The following COLEC12 variants were observed in gnomAD, a reference collection of about 807,000 sequenced individuals.
COLEC12 encodes the protein collectin subfamily member 12, also known as collectin-12.
COLEC12 carries 33 observed loss-of-function variants against 71.1 expected under a neutral mutation model. The observed-to-expected ratio is 0.46, with a 90% CI of 0.35 to 0.62. COLEC12 has a LOEUF of 0.62. Ranked by LOEUF, COLEC12 falls within the 20% of genes least tolerant of loss-of-function variation. The probability of loss-of-function intolerance (pLI) is 0.00; values close to 1 mark genes in which losing one functional copy is unlikely to be tolerated. For synonymous variants in COLEC12, 350 were observed against 353.0 expected (o/e 0.99, Z 0.10); for missense variants, 765 against 916.1 (o/e 0.84, Z 2.13).
At chr18:491,477 G>T (rs1377611083) in intron 1 of COLEC12, among the ~76,000 whole-genome samples, 3 of 152,194 alleles carry the variant, frequency 2.0e-5, no homozygotes, top group Admixed American at 6.5e-5. Flanking sequence ...ACATTTTGGG[G>T]AGGGAAATGT....
At chr18:338,984 A>ATT (rs33991062) in intron 5 of COLEC12, among the ~76,000 whole-genome samples, 13,226 of 143,168 alleles carry the variant, frequency 0.092, 802 homozygotes, top group Non-Finnish European at 0.14. Context: ...TATTGTCTTA[A>ATT]TTTTTTTTTT....
intron 2 of COLEC12, among the ~76,000 whole-genome samples, chr18:458,481 G>T (rs1916914387): frequency 6.6e-6 from 1 of 152,234 alleles, no homozygotes; most frequent in African/African-American, 2.4e-5. Flanking sequence ...GAACGATCCA[G>T]GTTGGCCCTC....
chr18:489,636 C>T (rs987471906), intron 1 of COLEC12, among the ~76,000 whole-genome samples: 11 of 152,024 alleles, frequency 7.2e-5, no homozygotes, highest in African/African-American at 2.7e-4. Flanking sequence ...GCTAAAATAG[C>T]AAGAGGATTA....
chr18:351,770 A>G (rs1009580075), intron 3 of COLEC12, among the ~76,000 whole-genome samples: 3 of 152,170 alleles, frequency 2.0e-5, no homozygotes, highest in African/African-American at 7.2e-5. Flanking sequence ...GTTTTAGGGT[A>G]CATGTGCACA....
At chr18:497,274 C>T (rs1453374292) in intron 1 of COLEC12, among the ~76,000 whole-genome samples, 3 of 152,148 alleles carry the variant, frequency 2.0e-5, no homozygotes, top group African/African-American at 4.8e-5. Context: ...TAGAAAGTCA[C>T]GTTGGTACCC....
At chr18:464,233 G>A (rs1917042693) in intron 2 of COLEC12, among the ~76,000 whole-genome samples, 1 of 152,174 alleles carries the variant, frequency 6.6e-6, no homozygotes, top group Non-Finnish European at 1.5e-5. Flanking sequence ...TAACTTGGCT[G>A]TAGCAACCTT....
chr18:418,298 C>T (rs8089789), intron 2 of COLEC12, among the ~76,000 whole-genome samples: 45,708 of 152,070 alleles, frequency 0.3, 7,723 homozygotes, highest in South Asian at 0.49. Flanking sequence ...TTTCTTCATT[C>T]TAAGAGATAA....
chr18:439,495 A>T (rs1351370502), intron 2 of COLEC12, among the ~76,000 whole-genome samples: 1 of 54,784 alleles, frequency 1.8e-5, no homozygotes, highest in Non-Finnish European at 5.6e-5. Flanking sequence ...AGAAGCAGAG[A>T]TTCTTTTTTT....
chr18:343,543 A>T (rs1306601287), intron 5 of COLEC12, among the ~76,000 whole-genome samples: 1 of 151,828 alleles, frequency 6.6e-6, no homozygotes, highest in Non-Finnish European at 1.5e-5. Context: ...ACCTTGTGAA[A>T]ATATAAAGCA....
At chr18:389,969 T>A (rs1244851006) in intron 2 of COLEC12, among the ~76,000 whole-genome samples, 1 of 152,250 alleles carries the variant, frequency 6.6e-6, no homozygotes. Flanking sequence ...AGCTTTCTGA[T>A]GAGTGACTTT....
In COLEC12 at chr18:317,026, C is replaced by G. The variant is rs2143385567; in HGVS notation, c.*3019G>C. 1 of 152,306 alleles carries G rather than the reference C, an allele frequency of 6.6e-6. No homozygotes were observed. The highest frequency in any genetic ancestry group is 3.4e-3 in the Middle Eastern group (1 of 296). The allele number at this position is 152,306 out of a possible 1,614,324, so 9.4% of individuals were successfully genotyped here. The stretch of plus-strand genomic sequence containing the variant: ...ATCACCTGAGGTCAGGAGTTTGAGA[C>G]CAGCCTGGCCAAAATGGCGAAACCG... On this transcript the variant is annotated 3_prime_UTR_variant, in exon 10 of 10. Transcript: ENST00000400256.
rs71363211 is a variant in COLEC12, at chr18:381,884, A to ATT, written c.59-24364_59-24363dup. ...GTAAAATAAAGCAAGTTGCTGAAGG[A>ATT]TTTTTTTTTTAAAAAGCTCACCTCT... On this transcript the variant is annotated intron_variant, in intron 2 of 9. Coordinates refer to ENST00000400256, the MANE Select transcript of COLEC12 (RefSeq NM_130386.3). Among the ~76,000 whole-genome samples the ATT allele has an allele frequency of 1.1e-4, 17 of 151,402 alleles. 2 individuals carry two copies. In the South Asian group the frequency reaches 2.5e-3, roughly 22 times the overall value.
chr18:493,611 T>G (rs773808026), intron 1 of COLEC12, among the ~76,000 whole-genome samples: 1 of 152,210 alleles, frequency 6.6e-6, no homozygotes, highest in Non-Finnish European at 1.5e-5. Flanking sequence ...GACTGCAAGC[T>G]CCATGAGCAC....
chr18:498,697 G>A (rs370748928), intron 1 of COLEC12, among the ~76,000 whole-genome samples: 5 of 152,208 alleles, frequency 3.3e-5, no homozygotes, highest in Non-Finnish European at 5.9e-5. Context: ...GCTTCAAAAT[G>A]ATTAGTCTAC....
intron 2 of COLEC12, among the ~76,000 whole-genome samples, chr18:464,869 A>G (rs1192006628): frequency 6.6e-6 from 1 of 152,222 alleles, no homozygotes; most frequent in African/African-American, 2.4e-5. Context: ...GCAGGTTCAC[A>G]GAACTTGGTT....
intron 2 of COLEC12, among the ~76,000 whole-genome samples, chr18:421,030 C>T (rs1916088707): frequency 6.6e-6 from 1 of 152,210 alleles, no homozygotes; most frequent in Non-Finnish European, 1.5e-5. Flanking sequence ...GTTTACCCTG[C>T]CCTGCCTGGC....
chr18:322,821 A>G (rs1174768266), intron 8 of COLEC12, among the ~76,000 whole-genome samples: 1 of 151,952 alleles, frequency 6.6e-6, no homozygotes, highest in Non-Finnish European at 1.5e-5. Context: ...GGACAATAAC[A>G]CCCGCAAAAC....
intron 5 of COLEC12, among the ~76,000 whole-genome samples, chr18:341,819 C>T (rs1231327454): frequency 6.6e-6 from 1 of 152,160 alleles, no homozygotes; most frequent in East Asian, 1.9e-4. Context: ...ATGAATCCAG[C>T]TCTGTCTGAT....
intron 3 of COLEC12, among the ~76,000 whole-genome samples, chr18:353,589 G>A (rs1914568009): frequency 6.6e-6 from 1 of 152,188 alleles, no homozygotes; most frequent in South Asian, 2.1e-4. Flanking sequence ...CATTTACCAA[G>A]TATCTGCCAT....
Sources: gnomAD v4.1 joint callset for allele counts (sites outside exome capture counted in the v4.1 genomes callset) on GRCh38, gnomAD v4.1.1 for gene constraint, MANE v1.5 for transcripts, NCBI Gene and HGNC (gene_info 2026-07-23, HGNC 2026-07-21) for gene names.